Variants in ZNF664 observed in about 807,000 individuals in gnomAD.
ZNF664 encodes the protein zinc finger Organ of Corti 1.
Under a neutral mutation model 18.2 loss-of-function variants are expected in ZNF664, and 10 were observed. That is an observed-to-expected ratio of 0.55 (90% CI 0.34 to 0.93). The LOEUF is 0.93. ZNF664 is among the 40% of genes least tolerant of loss of function. The pLI is 0.02. For missense variants in ZNF664, 193 were observed against 319.0 expected, an observed-to-expected ratio of 0.61 and a Z score of 3.01; for synonymous variants, 119 against 104.2, an observed-to-expected ratio of 1.14 and a Z score of -0.86.
Position 123,973,943 on chromosome 12 carries a change from C to A in ZNF664, c.-834C>A. On this transcript the variant is annotated 5_prime_UTR_variant, in exon 2 of 5. It introduces an in-frame stop codon into an upstream open reading frame of the 5' UTR. Coordinates refer to ENST00000337815, the MANE Select transcript of ZNF664 (RefSeq NM_152437.3). ...CCCGCTCAGGTGATGAGGAACCCCT[C>A]GCGCACCCAGCGCAGAAGGCTGCTG... The A allele has an allele frequency of 8.1e-7, 1 of 1,231,926 alleles. No homozygotes were observed. Among genetic ancestry groups the A allele is most frequent in the Non-Finnish European group, 1.0e-6 (1 of 988,100 alleles). The allele number at this position is 1,231,926 out of a possible 1,614,324, so 76.3% of individuals were successfully genotyped here.
intron 2 of ZNF664, among the ~76,000 whole-genome samples, chr12:123,981,131 A>C (rs1250007457): frequency 3.3e-5 from 5 of 152,170 alleles, no homozygotes; most frequent in Non-Finnish European, 5.9e-5. Context: ...GGCTTGAGTT[A>C]AGTTGAGACA....
chr12:123,993,606 C>T (rs1177254781), intron 3 of ZNF664, among the ~76,000 whole-genome samples: 1 of 152,118 alleles, frequency 6.6e-6, no homozygotes, highest in Non-Finnish European at 1.5e-5. Context: ...TCCCATATAC[C>T]TGAGGCTCAT....
At chr12:123,976,715 C>A (rs963620424) in intron 2 of ZNF664, among the ~76,000 whole-genome samples, 6 of 151,712 alleles carry the variant, frequency 4.0e-5, no homozygotes, top group Admixed American at 3.9e-4. Flanking sequence ...CTGGAAGAGA[C>A]GTGAGCTTTC....
At position 124,012,939 on chromosome 12, in the gene ZNF664, G is replaced by C; in HGVS notation, c.*9G>C. ...AAATATCAGTTATATAAAACGTTTT[G>C]CTAAGAGTTTAAAATCTTAAAACCC... is the stretch of plus-strand genomic sequence containing the variant. On this transcript the variant is annotated 3_prime_UTR_variant, in exon 5 of 5. Transcript: ENST00000337815. 1 of 1,610,016 alleles carries C rather than the reference G, an allele frequency of 6.2e-7. No homozygotes were observed. Among genetic ancestry groups the C allele is most frequent in the Non-Finnish European group, 8.5e-7 (1 of 1,178,644 alleles).
rs7959698 is a variant in ZNF664, at chr12:123,994,307, T to G, written c.-661+6169T>G. 3.1e-3 allele frequency among the ~76,000 whole-genome samples: 478 copies of G among 152,320 alleles called. 3 individuals carry two copies. The highest frequency in any genetic ancestry group is 0.015 in the South Asian group (72 of 4,812). ...CATTTTTAAGGACTCCAGAGAACTT[T>G]AAGTTTATGTGGGTTGCAGGCTTTG... On this transcript the variant is annotated intron_variant, in intron 3 of 4. Transcript: ENST00000337815.
intron 2 of ZNF664, 126 bp downstream of exon 2, chr12:123,974,146 C>T (rs1179579242): frequency 1.6e-6 from 1 of 620,440 alleles, no homozygotes; most frequent in Non-Finnish European, 2.3e-6. Context: ...CGTATACCCC[C>T]TCCCAGACAT....
At chr12:123,994,149 T>C (rs1347920635) in intron 3 of ZNF664, among the ~76,000 whole-genome samples, 9 of 151,436 alleles carry the variant, frequency 5.9e-5, no homozygotes, top group African/African-American at 2.2e-4. Context: ...GAATGTTTGG[T>C]GATGGAAATT....
Position 124,012,847 on chromosome 12 carries a change from G to A in ZNF664, c.703G>A (p.Ala235Thr), listed in dbSNP as rs1257201280. The change falls in exon 5 of 5, where the codon GCC becomes ACC. Residue 235 changes from alanine to threonine, a missense_variant. Ala to Thr is a moderately conservative substitution (Grantham distance 58). Transcript: ENST00000337815. ...TTTCAAATGTGATGAGTGCGGAAAG[G>A]CCTTCAGTCAGAGTACGAGCCTCTG... ...KPFKCDECGK[A>T]FSQSTSLCIH... 1 of 1,614,086 alleles carries A rather than the reference G, an allele frequency of 6.2e-7. No individual in the cohort carries two copies. Among genetic ancestry groups the A allele is most frequent in the Non-Finnish European group, 8.5e-7 (1 of 1,180,016 alleles).
At chr12:124,006,454 G>A (rs1432888953) in intron 3 of ZNF664, among the ~76,000 whole-genome samples, 3 of 152,186 alleles carry the variant, frequency 2.0e-5, no homozygotes, top group African/African-American at 4.8e-5. Flanking sequence ...TTCTTATGCC[G>A]TGACCCAGAG....
intron 3 of ZNF664, among the ~76,000 whole-genome samples, chr12:124,008,296 T>C (rs1229479706): frequency 6.6e-6 from 1 of 152,194 alleles, no homozygotes; most frequent in African/African-American, 2.4e-5. Flanking sequence ...TTTGCTTCAG[T>C]CTTTTGACAA....
At chr12:123,977,537 G>C (rs899012209) in intron 2 of ZNF664, among the ~76,000 whole-genome samples, 22 of 151,640 alleles carry the variant, frequency 1.5e-4, no homozygotes, top group Non-Finnish European at 2.8e-4. Context: ...AACCGTGTAG[G>C]CACAACCTTA....
In ZNF664 at chr12:124,013,209, G is replaced by C. The variant is rs1957153232; in HGVS notation, c.*279G>C. On this transcript the variant is annotated 3_prime_UTR_variant, in exon 5 of 5. Coordinates refer to ENST00000337815, the MANE Select transcript of ZNF664 (RefSeq NM_152437.3). ...CAGCACGATGCCTCCATAGTTGAAA[G>C]ACTACACAAAAAGCCACAATCATTG... The C allele has an allele frequency of 4.4e-6, 2 of 455,192 alleles. No homozygotes were observed. Among genetic ancestry groups the C allele is most frequent in the Admixed American group, 7.9e-5 (2 of 25,328 alleles). 28.2% of individuals were successfully genotyped at this position (455,192 alleles called of 1,614,324 possible). A position where few individuals can be genotyped will look rare whatever the true frequency, so the allele number is the denominator to read the frequency against.
intron 2 of ZNF664, among the ~76,000 whole-genome samples, chr12:123,979,824 C>A (rs570649667): frequency 6.6e-6 from 1 of 151,998 alleles, no homozygotes; most frequent in Non-Finnish European, 1.5e-5. Context: ...CACACACACA[C>A]ACACACACCA....
intron 3 of ZNF664, among the ~76,000 whole-genome samples, chr12:124,005,515 G>A (rs1015090082): frequency 6.7e-5 from 10 of 149,486 alleles, no homozygotes; most frequent in Admixed American, 1.3e-4. Flanking sequence ...GTGTGTGTGT[G>A]TGTGTGTGTG....
intron 1 of ZNF664, chr12:123,973,660 A>T: frequency 1.5e-6 from 1 of 657,416 alleles, no homozygotes; most frequent in Non-Finnish European, 2.0e-6. Flanking sequence ...GGCAGCGGGC[A>T]GGGCGAGGCC....
chr12:123,981,437 A>G (rs2138334432), intron 2 of ZNF664, among the ~76,000 whole-genome samples: 1 of 152,266 alleles, frequency 6.6e-6, no homozygotes, highest in South Asian at 2.1e-4. Flanking sequence ...GCTTTATAAA[A>G]AGAAAAGAGA....
intron 3 of ZNF664, among the ~76,000 whole-genome samples, chr12:123,996,073 A>C (rs966652525): frequency 5.3e-5 from 8 of 152,248 alleles, no homozygotes; most frequent in Admixed American, 2.0e-4. Flanking sequence ...CAGGCTCCTA[A>C]GCCATCTTTC....
At chr12:123,980,644 G>A (rs1359922378) in intron 2 of ZNF664, among the ~76,000 whole-genome samples, 1 of 152,074 alleles carries the variant, frequency 6.6e-6, no homozygotes, top group Non-Finnish European at 1.5e-5. Context: ...TTATGATAGT[G>A]TTAAGTGGAA....
intron 3 of ZNF664, among the ~76,000 whole-genome samples, chr12:123,997,234 C>T (rs1020594508): frequency 9.9e-5 from 15 of 152,182 alleles, no homozygotes; most frequent in African/African-American, 3.4e-4. Flanking sequence ...AAAGAATAAA[C>T]AATGCCCCTT....
Sources: allele counts gnomAD v4.1 joint callset (sites outside exome capture counted in the v4.1 genomes callset), GRCh38; gene constraint gnomAD v4.1.1; transcripts MANE v1.5; gene names NCBI Gene and HGNC (gene_info 2026-07-23, HGNC 2026-07-21).